The following POLN variants were observed in gnomAD, a reference collection of about 807,000 sequenced individuals.
POLN encodes the protein DNA polymerase nu.
A neutral mutation model predicts 113.5 loss-of-function variants in POLN; 108 were observed. That is an observed-to-expected ratio of 0.95 (90% CI 0.81 to 1.12). The LOEUF is 1.12. Ranked by LOEUF, POLN falls within the 50% of genes most tolerant of loss-of-function variation. The pLI, the probability that POLN is intolerant of heterozygous loss-of-function variation, is 0.00. For synonymous variants in POLN, 386 were observed against 391.5 expected (o/e 0.99, Z 0.17); for missense variants, 1,097 against 1,077.1 (o/e 1.02, Z -0.26).
intron 6 of POLN, among the ~76,000 whole-genome samples, chr4:2,195,515 A>G (rs2108758020): frequency 7.1e-6 from 1 of 140,520 alleles, no homozygotes; most frequent in East Asian, 2.0e-4. Context: ...ACAGGGCCTC[A>G]CTCTGTCATC....
chr4:2,075,339 G>A (rs1362731148), intron 24 of POLN, 113 bp downstream of exon 24: 2 of 1,124,752 alleles, frequency 1.8e-6, no homozygotes, highest in Non-Finnish European at 2.6e-6. Context: ...GGTGGGGCAG[G>A]GGCCATAAAA....
chr4:2,196,523 T>A (rs1733577261), intron 6 of POLN, among the ~76,000 whole-genome samples: 1 of 152,062 alleles, frequency 6.6e-6, no homozygotes, highest in South Asian at 2.1e-4. Flanking sequence ...CACCCAATGC[T>A]ATGTCCTGAT....
At chr4:2,112,357 A>G (rs1731216483) in intron 19 of POLN, among the ~76,000 whole-genome samples, 1 of 152,248 alleles carries the variant, frequency 6.6e-6, no homozygotes, top group East Asian at 1.9e-4. Flanking sequence ...CACCAAAGCA[A>G]TGGCAACAGA....
At chr4:2,085,582 G>C (rs753741620) in intron 21 of POLN, 31 bp downstream of exon 21, 2 of 1,612,190 alleles carry the variant, frequency 1.2e-6, no homozygotes, top group African/African-American at 1.3e-5. Context: ...GGTTGGCAGG[G>C]AGCAGGGAGC....
intron 16 of POLN, among the ~76,000 whole-genome samples, chr4:2,155,315 C>A (rs1223754500): frequency 6.6e-6 from 1 of 152,176 alleles, no homozygotes; most frequent in African/African-American, 2.4e-5. Flanking sequence ...TACTACCACT[C>A]TTCGCTAGAT....
At chr4:2,178,257 TG>T (rs1480728338) in intron 8 of POLN, among the ~76,000 whole-genome samples, 1 of 151,974 alleles carries the variant, frequency 6.6e-6, no homozygotes, top group Non-Finnish European at 1.5e-5. Flanking sequence ...GCACACAGCT[TG>T]GGCTCACATC....
chr4:2,089,752 A>G (rs1398493135), intron 20 of POLN: 2 of 701,250 alleles, frequency 2.9e-6, no homozygotes, highest in Non-Finnish European at 4.8e-6. Context: ...CTTTATCATT[A>G]TGGACTTTAA....
intron 19 of POLN, among the ~76,000 whole-genome samples, chr4:2,099,642 G>A (rs1477917670): frequency 6.6e-6 from 1 of 152,126 alleles, no homozygotes; most frequent in Admixed American, 6.5e-5. Flanking sequence ...GGGGACAGCA[G>A]GGAAAGACTG....
intron 13 of POLN, among the ~76,000 whole-genome samples, chr4:2,162,523 C>A (rs1334740880): frequency 6.6e-6 from 1 of 152,216 alleles, no homozygotes; most frequent in Non-Finnish European, 1.5e-5. Flanking sequence ...ACAGCACCAT[C>A]TTGGCTCACT....
chr4:2,102,776 C>G (rs1369539735), intron 19 of POLN, among the ~76,000 whole-genome samples: 1 of 152,200 alleles, frequency 6.6e-6, no homozygotes, highest in Non-Finnish European at 1.5e-5. Context: ...TACCTACACC[C>G]TAACATCCCA....
rs1409756504 is a variant in POLN, at chr4:2,156,833, C to G, written c.1686G>C (p.Trp562Cys). 6.2e-7 allele frequency: 1 copy of G among 1,612,812 alleles called. No individual in the cohort carries two copies. Among genetic ancestry groups the G allele is most frequent in the Admixed American group, 1.7e-5 (1 of 60,022 alleles). Residue 562 changes from tryptophan (W) to cysteine (C), a missense_variant, in exon 16 of 26, where the codon TGG (tryptophan) becomes TGC (cysteine). Trp to Cys is a radical substitution (Grantham distance 215). Transcript: ENST00000511885. ...TTCCAGTCACAGTTCCAGTCTGATT[C>G]CATGTAGAGGAAATGGAGCCCTTTA... ...CMKKGSISST[W>C]NQTGTVTGRL... is the part of the protein sequence containing the mutation.
chr4:2,239,829 G>C (rs1457530143), intron 2 of POLN, among the ~76,000 whole-genome samples: 1 of 152,208 alleles, frequency 6.6e-6, no homozygotes, highest in Non-Finnish European at 1.5e-5. Context: ...TAATGTGGTA[G>C]AGATTATAAT....
chr4:2,171,049 C>A, intron 12 of POLN, 49 bp downstream of exon 12: 1 of 1,465,536 alleles, frequency 6.8e-7, no homozygotes. Flanking sequence ...CTCCCTTTAA[C>A]TCCTGAATAA....
At chr4:2,176,029 C>T (rs550748278) in intron 9 of POLN, among the ~76,000 whole-genome samples, 1 of 152,356 alleles carries the variant, frequency 6.6e-6, no homozygotes, top group South Asian at 2.1e-4. Flanking sequence ...AAACATCCCA[C>T]TTAAAAAAGA....
chr4:2,156,672 G>A, intron 16 of POLN, 116 bp downstream of exon 16: 1 of 788,588 alleles, frequency 1.3e-6, no homozygotes, highest in South Asian at 1.4e-5. Context: ...CAACATATCA[G>A]TATGAAGTCC....
chr4:2,149,911 G>A lies in POLN; in HGVS notation c.1731+6877C>T, dbSNP rs531874312. Among the ~76,000 whole-genome samples, 7 of 151,936 alleles carry A rather than the reference G, an allele frequency of 4.6e-5. No homozygotes were observed. The South Asian group carries it at 8.3e-4, about 18-fold the overall frequency. On this transcript the variant is annotated intron_variant, in intron 16 of 25. Transcript: ENST00000511885. ...AGCCTGGCCAACATAGTGAAACCCC[G>A]TCTCTACTAAAAATACCAAAAATTA...
chr4:2,194,466 T>C (rs1378394048), intron 6 of POLN, among the ~76,000 whole-genome samples: 1 of 152,084 alleles, frequency 6.6e-6, no homozygotes, highest in African/African-American at 2.4e-5. Context: ...GCGACCAGGA[T>C]GGTAGGGAGG....
intron 22 of POLN, 133 bp from the exon 23 acceptor site, chr4:2,081,169 G>A (rs112847440): frequency 3.8e-6 from 6 of 1,595,470 alleles, no homozygotes; most frequent in African/African-American, 1.3e-5. Context: ...CTGAGTGCCA[G>A]GGCCACAGAT....
chr4:2,123,941 C>T (rs537174905), intron 19 of POLN, among the ~76,000 whole-genome samples: 9 of 152,130 alleles, frequency 5.9e-5, no homozygotes, highest in East Asian at 5.8e-4. Flanking sequence ...GATAAATACA[C>T]GGATTATTTG....
Sources: gnomAD v4.1 joint callset for allele counts (sites outside exome capture counted in the v4.1 genomes callset) on GRCh38, gnomAD v4.1.1 for gene constraint, MANE v1.5 for transcripts, NCBI Gene and HGNC (gene_info 2026-07-23, HGNC 2026-07-21) for gene names.